SH3TC1: variants seen among roughly 807,000 people sequenced by gnomAD.
SH3TC1 encodes SH3 domain and tetratricopeptide repeat-containing protein 1.
A neutral mutation model predicts 117.3 loss-of-function variants in SH3TC1; 135 were observed. The ratio of observed to expected loss-of-function variants is 1.15; its 90% CI spans 1.00 to 1.33. The LOEUF (loss-of-function observed/expected upper bound fraction) is 1.33, where lower values mean the gene tolerates loss of function less well. Among genes scored for constraint, SH3TC1 ranks in the 40% most tolerant of loss-of-function variants. SH3TC1 has a pLI of 0.00. For synonymous variants in SH3TC1, 898 were observed against 816.9 expected, an observed-to-expected ratio of 1.10 and a Z score of -1.69; for missense variants, 2,092 against 1,794.3, an observed-to-expected ratio of 1.17 and a Z score of -3.00.
At chr4:8,185,620 G>T (rs1394811811) in intron 1 of SH3TC1, among the ~76,000 whole-genome samples, 1 of 152,186 alleles carries the variant, frequency 6.6e-6, no homozygotes, top group Non-Finnish European at 1.5e-5. Context: ...TGCTTAATAC[G>T]TCTCAGGGAT....
rs1035150436 is a variant in SH3TC1, at chr4:8,233,107, G to A, written c.3132-256G>A. 3.8e-6 allele frequency: 5 copies of A among 1,331,288 alleles called. No homozygotes were observed. The South Asian group carries it at 8.6e-5, about 23-fold the overall frequency. The allele number at this position is 1,331,288 out of a possible 1,614,324, so 82.5% of individuals were successfully genotyped here. A position where few individuals can be genotyped will look rare whatever the true frequency, so the allele number is the denominator to read the frequency against. ...CACAGGCCATGTCTGGGACGCGGGG[G>A]AGATGGACTAGCACGCTCCCCCAGC... On this transcript the variant is annotated intron_variant, in intron 13 of 17. Transcript: ENST00000245105.
chr4:8,221,998 A>G (rs1456600688), intron 9 of SH3TC1, among the ~76,000 whole-genome samples: 1 of 152,132 alleles, frequency 6.6e-6, no homozygotes, highest in Non-Finnish European at 1.5e-5. Flanking sequence ...TATACTGGTA[A>G]TTTAGTCCTA....
chr4:8,200,349 C>A (rs1344640841), intron 1 of SH3TC1, among the ~76,000 whole-genome samples: 1 of 152,182 alleles, frequency 6.6e-6, no homozygotes, highest in Non-Finnish European at 1.5e-5. Context: ...GGGTTCAACC[C>A]CACCTGTGCT....
intron 3 of SH3TC1, among the ~76,000 whole-genome samples, chr4:8,211,694 T>A (rs1443402104): frequency 6.6e-6 from 1 of 151,630 alleles, no homozygotes; most frequent in Non-Finnish European, 1.5e-5. Flanking sequence ...GAAGGGATAG[T>A]GCATAGGGCA....
At chr4:8,197,995 G>T (rs1717618211), upstream of SH3TC1, among the ~76,000 whole-genome samples, 1 of 152,130 alleles carries the variant, frequency 6.6e-6, no homozygotes. Context: ...ACCCCCAGGG[G>T]ATCAATATCT....
rs938725363 is a variant in SH3TC1 at position 8,183,832 on chromosome 4, C to T, written c.-57+1622C>T. Among the ~76,000 whole-genome samples the T allele has an allele frequency of 6.6e-6, 1 of 152,152 alleles. No homozygotes were observed. Among genetic ancestry groups the T allele is most frequent in the Non-Finnish European group, 1.5e-5 (1 of 68,032 alleles). On this transcript the variant is annotated intron_variant, in intron 1 of 16. Transcript: ENST00000508641. This position sits in a 1 kb window ranked among gnomAD's most constrained non-coding sequence, Gnocchi z 5.4. ...GTCTTTACCTAACGCCTTCGCCTGC[C>T]CCGGGATCCCACCCAGGACCCCACT...
At chr4:8,231,850 C>T (rs1721249827) in intron 12 of SH3TC1, 126 bp from the exon 13 acceptor site, 3 of 1,118,930 alleles carry the variant, frequency 2.7e-6, no homozygotes, top group East Asian at 2.4e-5. Flanking sequence ...CTCAGCGGTT[C>T]CCCGCCTGTG....
At position 8,228,025 on chromosome 4, in the gene SH3TC1, C is replaced by A. The variant is rs1346939465; in HGVS notation, c.2331C>A (p.Thr777=). Residue 777 remains threonine (T), a synonymous_variant, in exon 12 of 18, where the codon ACC becomes ACA. Transcript: ENST00000245105. ...HYLRQALASL[T]PGTGQALRGP... Reference sequence around the variant, plus strand: ...TCAGGCAAGCGCTGGCCTCCCTGACCCCGGGCACAGGCCAGGCGCTGCGCG... The same window carrying A: ...TCAGGCAAGCGCTGGCCTCCCTGACACCGGGCACAGGCCAGGCGCTGCGCG... The A allele has an allele frequency of 1.2e-6, 2 of 1,610,580 alleles. No homozygotes were observed.
In SH3TC1 at chr4:8,205,757, G is replaced by A. The variant is rs1443305075; in HGVS notation, c.172+391G>A. 4 of 670,148 alleles carry A rather than the reference G, an allele frequency of 6.0e-6. No individual in the cohort carries two copies. Among genetic ancestry groups the A allele is most frequent in the Non-Finnish European group, 1.1e-5 (4 of 363,868 alleles). The allele number at this position is 670,148 out of a possible 1,614,324, so 41.5% of individuals were successfully genotyped here. On this transcript the variant is annotated intron_variant, in intron 2 of 17. Coordinates refer to ENST00000245105, the MANE Select transcript of SH3TC1 (RefSeq NM_018986.5). The surrounding 1 kb of genome is among the most constrained non-coding windows in gnomAD (Gnocchi z 5.4). ...TTCTCCAGGAGGCACCCAAGGTGCA[G>A]AGAGGGAAGGGCCGGGCCAGGCCAC...
At chr4:8,185,950 G>C (rs1355161847) in intron 1 of SH3TC1, among the ~76,000 whole-genome samples, 1 of 152,238 alleles carries the variant, frequency 6.6e-6, no homozygotes, top group Non-Finnish European at 1.5e-5. Context: ...TGGATGCCCA[G>C]TGCTGCCACT....
At chr4:8,239,600 G>GCA (rs1413607160) in intron 17 of SH3TC1, among the ~76,000 whole-genome samples, 1 of 151,174 alleles carries the variant, frequency 6.6e-6, no homozygotes, top group African/African-American at 2.4e-5. Context: ...ACAGGCACGT[G>GCA]CACACACACA....
At position 8,191,238 on chromosome 4, in the gene SH3TC1, G is replaced by T. The variant is rs894212830; in HGVS notation, c.-57+9028G>T. On this transcript the variant is annotated intron_variant, in intron 1 of 16. Transcript: ENST00000508641. ...GGAAGGACTGTGGACCTGCTGGGCC[G>T]CAGAGTCAGCGATTCCCTGGGCTCC... Among the ~76,000 whole-genome samples, 4 of 152,348 alleles carry T rather than the reference G, an allele frequency of 2.6e-5. No individual in the cohort carries two copies. In the South Asian group the frequency reaches 8.3e-4, roughly 32 times the overall value.
intron 11 of SH3TC1, among the ~76,000 whole-genome samples, chr4:8,226,652 C>G (rs1472918889): frequency 6.6e-6 from 1 of 152,232 alleles, no homozygotes; most frequent in Non-Finnish European, 1.5e-5. Context: ...AAAGGCATCT[C>G]TGAGGGATCA....
chr4:8,217,367 A>ATGAT (rs1719405022), intron 7 of SH3TC1, among the ~76,000 whole-genome samples, 200 bp downstream of exon 7: 1 of 152,356 alleles, frequency 6.6e-6, no homozygotes, highest in South Asian at 2.1e-4. Flanking sequence ...TGCCAGCTGC[A>ATGAT]TGATAGGCCA....
At chr4:8,230,714 A>G (rs1170281913) in intron 12 of SH3TC1, among the ~76,000 whole-genome samples, 1 of 150,368 alleles carries the variant, frequency 6.7e-6, no homozygotes, top group Non-Finnish European at 1.5e-5. Context: ...TTGCATGTAG[A>G]CATTTAGAGT....
chr4:8,233,238 C>A, intron 13 of SH3TC1, 125 bp from the exon 14 acceptor site: 1 of 1,453,296 alleles, frequency 6.9e-7, no homozygotes, highest in Non-Finnish European at 9.0e-7. Context: ...GGGCAGGACA[C>A]TGCACACACA....
rs372927275 is a variant in SH3TC1, at chr4:8,210,587, T to C, written c.247+765T>C. Among the ~76,000 whole-genome samples the C allele has an allele frequency of 6.6e-6, 1 of 151,996 alleles. No homozygotes were observed. The highest frequency in any genetic ancestry group is 1.5e-5 in the Non-Finnish European group (1 of 67,946). On this transcript the variant is annotated intron_variant, in intron 3 of 17. Coordinates refer to ENST00000245105, the MANE Select transcript of SH3TC1 (RefSeq NM_018986.5). The surrounding 1 kb of genome is among the most constrained non-coding windows in gnomAD (Gnocchi z 4.1). ...AGGAGTTCAAGATCAGCCTGGCCCA[T>C]ATGGTGAAACCCCATCTCTACTAAA...
Position 8,228,482 on chromosome 4 carries a change from G to T in SH3TC1, c.2788G>T (p.Val930Leu), listed in dbSNP as rs149929488. 21 of 1,610,176 alleles carry T rather than the reference G, an allele frequency of 1.3e-5. No homozygotes were observed. The African/African-American group carries it at 2.3e-4, about 17-fold the overall frequency. The change falls in exon 12 of 18, where the codon GTG (valine) becomes TTG (leucine). Residue 930 changes from valine (V) to leucine (L), a missense_variant. Coordinates refer to ENST00000245105, the MANE Select transcript of SH3TC1 (RefSeq NM_018986.5). ...GGCCCAGCACTACCTCCTGGAGGCC[G>T]TGCGGCTGTTCTCGAGGCTGCCCCT... ...RLAQHYLLEA[V>L]RLFSRLPLGE...
At position 8,186,962 on chromosome 4, in the gene SH3TC1, G is replaced by A. The variant is rs1003179434; in HGVS notation, c.-57+4752G>A. Among the ~76,000 whole-genome samples, 5 of 146,886 alleles carry A rather than the reference G, an allele frequency of 3.4e-5. No homozygotes were observed. The highest frequency in any genetic ancestry group is 3.4e-4 in the Admixed American group (5 of 14,788). On this transcript the variant is annotated intron_variant, in intron 1 of 16. Transcript: ENST00000508641. The surrounding 1 kb of genome is among the most constrained non-coding windows in gnomAD (Gnocchi z 5.2). ...ACGTCTCAAAAAAAAAAAAAAAAAA[G>A]GACATGCTCCTGTAGGCACATTGCT...
Sources: gnomAD v4.1 joint callset for allele counts (sites outside exome capture counted in the v4.1 genomes callset) on GRCh38, gnomAD v4.1.1 for gene constraint, Gnocchi (gnomAD v3.1) non-coding constraint, MANE v1.5 for transcripts, NCBI Gene and HGNC (gene_info 2026-07-23, HGNC 2026-07-21) for gene names.